RPA3: variants seen among roughly 807,000 people sequenced by gnomAD.
RPA3 encodes replication protein A3.
Under a neutral mutation model 13.7 loss-of-function variants are expected in RPA3, and 24 were observed. That is an observed-to-expected ratio of 1.75 (90% CI 1.27 to 2.46). The LOEUF is 2.46. RPA3 is among the 30% of genes most tolerant of loss of function. The pLI is 0.00. For synonymous variants in RPA3, 59 were observed against 51.2 expected, an observed-to-expected ratio of 1.15 and a Z score of -0.65; for missense variants, 183 against 151.0, an observed-to-expected ratio of 1.21 and a Z score of -1.11.
chr7:7,653,145 G>GT (rs918282149), intron 4 of RPA3, among the ~76,000 whole-genome samples: 5 of 152,124 alleles, frequency 3.3e-5, no homozygotes, highest in African/African-American at 1.2e-4. Flanking sequence ...TTTGCAGGGT[G>GT]TTTTTTCATT....
chr7:7,653,145 G>T lies in RPA3; in HGVS notation c.-757-11970C>A, dbSNP rs568587549. On this transcript the variant is annotated intron_variant, in intron 4 of 7. Transcript: ENST00000223129. ...AGTTGTCTGAATTCTTTTGCAGGGT[G>T]TTTTTTCATTTTCAAAATGCAACAC... Among the ~76,000 whole-genome samples, 9 of 152,242 alleles carry T rather than the reference G, an allele frequency of 5.9e-5. No individual in the cohort carries two copies. In the East Asian group the frequency reaches 1.7e-3, roughly 29 times the overall value.
intron 2 of RPA3, among the ~76,000 whole-genome samples, chr7:7,690,321 G>C (rs1314553635): frequency 1.3e-5 from 2 of 151,962 alleles, no homozygotes; most frequent in South Asian, 2.1e-4. Context: ...AAAAATTGAA[G>C]TGTATATGTT....
Position 7,664,038 on chromosome 7 carries a change from G to A in RPA3, c.-758+21792C>T, listed in dbSNP as rs565118917. 5.3e-5 allele frequency among the ~76,000 whole-genome samples: 8 copies of A among 152,264 alleles called. No individual in the cohort carries two copies. In the East Asian group the frequency reaches 1.2e-3, roughly 22 times the overall value. Reference sequence around the variant, plus strand: ...CTTTGCCACCTGAAGGCCAAGTCCAGTTTTAGAGGATTTCTACCATCTGCA... The same window carrying A: ...CTTTGCCACCTGAAGGCCAAGTCCAATTTTAGAGGATTTCTACCATCTGCA... On this transcript the variant is annotated intron_variant, in intron 4 of 7. Coordinates refer to ENST00000223129, the MANE Select transcript of RPA3 (RefSeq NM_002947.5).
intron 4 of RPA3, among the ~76,000 whole-genome samples, chr7:7,672,453 G>C (rs976290414): frequency 9.2e-5 from 14 of 152,138 alleles, no homozygotes; most frequent in Non-Finnish European, 1.8e-4. Context: ...TTTAAAGTTG[G>C]CTGCAATTTT....
intron 4 of RPA3, among the ~76,000 whole-genome samples, chr7:7,682,081 A>G (rs1286626152): frequency 2.6e-5 from 4 of 152,178 alleles, no homozygotes; most frequent in Non-Finnish European, 5.9e-5. Context: ...GGCAAACACT[A>G]TTGTAGAGAT....
intron 2 of RPA3, among the ~76,000 whole-genome samples, chr7:7,692,850 G>T (rs939404875): frequency 5.9e-5 from 9 of 152,128 alleles, no homozygotes; most frequent in African/African-American, 1.7e-4. Context: ...CTCGTGATCT[G>T]CCTGCCTCGG....
chr7:7,690,489 T>G (rs997856390), intron 2 of RPA3, among the ~76,000 whole-genome samples: 4 of 152,190 alleles, frequency 2.6e-5, no homozygotes, highest in Non-Finnish European at 5.9e-5. Context: ...GTATTAATCT[T>G]ATTTTTAAAT....
At chr7:7,715,301 T>C (rs1428884175) in intron 1 of RPA3, 75 bp from the exon 2 acceptor site, 2 of 151,688 alleles carry the variant, frequency 1.3e-5, no homozygotes, top group African/African-American at 2.4e-5. Flanking sequence ...GTTTCATCAA[T>C]GATCTTGGTG....
chr7:7,700,731 T>C (rs777878033), intron 2 of RPA3, among the ~76,000 whole-genome samples: 4 of 152,032 alleles, frequency 2.6e-5, no homozygotes, highest in Non-Finnish European at 4.4e-5. Flanking sequence ...CTACTAAAAA[T>C]ATAAAAATTA....
chr7:7,681,414 C>G (rs1391766559), intron 4 of RPA3, among the ~76,000 whole-genome samples: 1 of 152,064 alleles, frequency 6.6e-6, no homozygotes, highest in South Asian at 2.1e-4. Flanking sequence ...CTGGGCTGTT[C>G]ATATACAGTT....
intron 4 of RPA3, among the ~76,000 whole-genome samples, chr7:7,657,383 T>C (rs1156745101): frequency 6.6e-6 from 1 of 152,266 alleles, no homozygotes; most frequent in Non-Finnish European, 1.5e-5. Context: ...ATGAAGTCTT[T>C]GCCCATGCCT....
chr7:7,669,085 T>C (rs1009669551), intron 4 of RPA3, among the ~76,000 whole-genome samples: 2 of 13,660 alleles, frequency 1.5e-4, no homozygotes, highest in African/African-American at 3.9e-4. Context: ...GGGAATCAAG[T>C]TTTTTTTTTT....
intron 4 of RPA3, among the ~76,000 whole-genome samples, chr7:7,683,359 G>T (rs1779959471): frequency 6.6e-6 from 1 of 152,132 alleles, no homozygotes; most frequent in Admixed American, 6.5e-5. Context: ...TTCTCCAGAT[G>T]ATTCTAGAGT....
chr7:7,698,975 C>A (rs1422860123), intron 2 of RPA3, among the ~76,000 whole-genome samples: 1 of 151,514 alleles, frequency 6.6e-6, no homozygotes, highest in East Asian at 1.9e-4. Context: ...CCACTTCAGC[C>A]CCCCAAGTAT....
In RPA3 at chr7:7,641,111, A is replaced by G. The variant is rs1784961185; in HGVS notation, c.-693T>C. 6.6e-6 allele frequency: 1 copy of G among 152,350 alleles called. No homozygotes were observed. The highest frequency in any genetic ancestry group is 1.5e-5 in the Non-Finnish European group (1 of 68,092). 9.4% of individuals were successfully genotyped at this position (152,350 alleles called of 1,614,324 possible). ...TGATCACTTTCTTCAGGCTTTTGCCACTTGTTGGCTGAGGGTCGATTTACT... is the reference window on the plus strand; with the variant it reads ...TGATCACTTTCTTCAGGCTTTTGCCGCTTGTTGGCTGAGGGTCGATTTACT... On this transcript the variant is annotated 5_prime_UTR_variant, in exon 5 of 8. Coordinates refer to ENST00000223129, the MANE Select transcript of RPA3 (RefSeq NM_002947.5).
chr7:7,708,461 G>T (rs1340416564), intron 2 of RPA3, among the ~76,000 whole-genome samples: 1 of 152,092 alleles, frequency 6.6e-6, no homozygotes, highest in Non-Finnish European at 1.5e-5. Context: ...GTATTTATTA[G>T]ACAGCATTTA....
At chr7:7,669,606 G>A (rs535336088) in intron 4 of RPA3, among the ~76,000 whole-genome samples, 14 of 152,288 alleles carry the variant, frequency 9.2e-5, no homozygotes, top group African/African-American at 2.9e-4. Context: ...TGAGTCTTTA[G>A]CATCAGCAGC....
chr7:7,713,142 G>A (rs549099768), intron 2 of RPA3, among the ~76,000 whole-genome samples: 53 of 151,908 alleles, frequency 3.5e-4, no homozygotes, highest in African/African-American at 1.2e-3. Flanking sequence ...ATTGAGACCA[G>A]CCTGACCAAC....
Position 7,637,084 on chromosome 7 carries a change from T to C in RPA3, c.284-2A>G. ...CAGCTTCATTGTAAAGTCCAAGATCTGAAAGAAACATTTAAGCAAACATTT... is the reference window on the plus strand; with the variant it reads ...CAGCTTCATTGTAAAGTCCAAGATCCGAAAGAAACATTTAAGCAAACATTT... On this transcript the variant is annotated splice_acceptor_variant, in intron 7 of 7. Transcript: ENST00000223129. LOFTEE classifies it high-confidence loss of function. 1 of 1,597,058 alleles carries C rather than the reference T, an allele frequency of 6.3e-7. No individual in the cohort carries two copies.
Sources: allele counts gnomAD v4.1 joint callset (sites outside exome capture counted in the v4.1 genomes callset), GRCh38; gene constraint gnomAD v4.1.1; transcripts MANE v1.5; gene names NCBI Gene and HGNC (gene_info 2026-07-23, HGNC 2026-07-21).